The following MYO9A variants were observed in gnomAD, a reference collection of about 807,000 sequenced individuals.
The protein encoded by MYO9A is myosin IXA.
In MYO9A, 103 loss-of-function variants were observed where a neutral mutation model predicts 293.3. The observed-to-expected ratio is 0.35, with a 90% CI of 0.30 to 0.41. MYO9A has a LOEUF of 0.41. MYO9A is among the 10% of genes least tolerant of loss of function. The pLI is 1.00. For synonymous variants in MYO9A, 1,001 were observed against 1,035.7 expected (o/e 0.97, Z 0.64); for missense variants, 2,685 against 3,033.0 (o/e 0.89, Z 2.69).
intron 1 of MYO9A, among the ~76,000 whole-genome samples, chr15:72,064,574 C>A (rs867894433): frequency 6.6e-6 from 1 of 152,160 alleles, no homozygotes; most frequent in African/African-American, 2.4e-5. Flanking sequence ...GTAATTACAC[C>A]AGTGTATACC....
intron 39 of MYO9A, among the ~76,000 whole-genome samples, chr15:71,840,489 A>AAT (rs1156933924): frequency 1.3e-4 from 20 of 152,040 alleles, no homozygotes; most frequent in Non-Finnish European, 1.5e-5. Context: ...AGCCTAAGAA[A>AAT]ATATCCTCTT....
intron 11 of MYO9A, among the ~76,000 whole-genome samples, chr15:71,980,710 C>T (rs2076250371): frequency 1.3e-5 from 2 of 152,108 alleles, no homozygotes; most frequent in African/African-American, 2.4e-5. Flanking sequence ...TGGTGGTATG[C>T]ACCTGTAGTC....
intron 28 of MYO9A, among the ~76,000 whole-genome samples, chr15:71,880,893 G>A (rs2056853765): frequency 6.6e-6 from 1 of 152,132 alleles, no homozygotes; most frequent in Admixed American, 6.5e-5. Flanking sequence ...GAAAAGAAGA[G>A]AATATAAAAC....
intron 32 of MYO9A, among the ~76,000 whole-genome samples, chr15:71,866,822 G>A (rs758155274): frequency 1.2e-4 from 18 of 152,112 alleles, no homozygotes; most frequent in Admixed American, 2.0e-4. Context: ...ACTTTGGGAC[G>A]CCGAGGCGGG....
intron 11 of MYO9A, among the ~76,000 whole-genome samples, chr15:71,980,347 C>T (rs1045663617): frequency 2.0e-5 from 3 of 152,130 alleles, no homozygotes; most frequent in African/African-American, 2.4e-5. Context: ...CCCACCCCAG[C>T]GTATGTCCCT....
chr15:71,834,952 CATAAT>C (rs1020136598), intron 39 of MYO9A, among the ~76,000 whole-genome samples: 20 of 151,850 alleles, frequency 1.3e-4, no homozygotes, highest in African/African-American at 4.8e-4. Flanking sequence ...ACTACATACA[CATAAT>C]ATAATGATAC....
At chr15:72,038,177 C>A (rs1297035380) in intron 2 of MYO9A, among the ~76,000 whole-genome samples, 1 of 152,186 alleles carries the variant, frequency 6.6e-6, no homozygotes, top group Non-Finnish European at 1.5e-5. Flanking sequence ...CTCTCCTTGG[C>A]CTCCCAAAGT....
chr15:72,106,363 G>A (rs114562748), intron 1 of MYO9A, among the ~76,000 whole-genome samples: 123 of 152,130 alleles, frequency 8.1e-4, no homozygotes, highest in African/African-American at 2.7e-3. Context: ...ACAGTGGCAC[G>A]CACCTATAGT....
At chr15:72,053,466 A>C (rs1390669849) in intron 1 of MYO9A, among the ~76,000 whole-genome samples, 1 of 152,256 alleles carries the variant, frequency 6.6e-6, no homozygotes, top group Non-Finnish European at 1.5e-5. Context: ...ACACCACGGA[A>C]TACTATGCAG....
chr15:71,990,689 G>A (rs999218206), intron 11 of MYO9A, among the ~76,000 whole-genome samples: 2 of 151,616 alleles, frequency 1.3e-5, no homozygotes, highest in South Asian at 2.1e-4. Context: ...CCCGCGAGGC[G>A]GAGCTTGCAG....
chr15:71,851,311 C>T lies in MYO9A; in HGVS notation c.6523G>A (p.Asp2175Asn). Reference sequence around the variant, plus strand: ...TTGAGATGAGTTCGGGAGAGTTGATCAATCACAGAGTATACACCACGGATT... The same window carrying T: ...TTGAGATGAGTTCGGGAGAGTTGATTAATCACAGAGTATACACCACGGATT... The part of the protein sequence containing the change: ...ETIRGVYSVI[D>N]QLSRTHLNTL... Residue 2175 changes from aspartate to asparagine, a missense_variant, in exon 37 of 42, where the codon GAT becomes AAT. Transcript: ENST00000356056. The T allele has an allele frequency of 6.2e-7, 1 of 1,613,954 alleles. No individual in the cohort carries two copies. The highest frequency in any genetic ancestry group is 8.5e-7 in the Non-Finnish European group (1 of 1,179,930).
At chr15:72,098,873 T>A (rs2080155855) in intron 1 of MYO9A, among the ~76,000 whole-genome samples, 1 of 146,524 alleles carries the variant, frequency 6.8e-6, no homozygotes, top group Admixed American at 6.8e-5. Flanking sequence ...AGAAAAGAAA[T>A]GATAAAAACG....
intron 13 of MYO9A, among the ~76,000 whole-genome samples, chr15:71,962,977 T>C (rs74022492): frequency 3.1e-3 from 475 of 152,330 alleles, no homozygotes; most frequent in African/African-American, 0.011. Context: ...AAGAACATAC[T>C]TTGTGGTTTA....
intron 11 of MYO9A, among the ~76,000 whole-genome samples, chr15:71,990,527 G>A (rs999788914): frequency 1.8e-4 from 27 of 152,014 alleles, no homozygotes; most frequent in African/African-American, 5.8e-4. Context: ...AGGCTGAGGC[G>A]GGTGGATCAC....
At chr15:71,838,554 T>C (rs553579562) in intron 39 of MYO9A, among the ~76,000 whole-genome samples, 9 of 152,304 alleles carry the variant, frequency 5.9e-5, no homozygotes, top group South Asian at 4.1e-4. Flanking sequence ...GGCTTAAACT[T>C]TGCAGGCAAA....
intron 39 of MYO9A, among the ~76,000 whole-genome samples, chr15:71,842,480 C>T (rs1278454017): frequency 6.6e-6 from 1 of 152,090 alleles, no homozygotes; most frequent in African/African-American, 2.4e-5. Context: ...ATAACTTGCC[C>T]ATATCACAAC....
Position 71,827,865 on chromosome 15 carries a change from G to A in MYO9A, c.7183+19C>T. 1.2e-6 allele frequency: 2 copies of A among 1,602,198 alleles called. No individual in the cohort carries two copies. Among genetic ancestry groups the A allele is most frequent in the Non-Finnish European group, 1.7e-6 (2 of 1,176,052 alleles). On this transcript the variant is annotated intron_variant, in intron 41 of 41. Coordinates refer to ENST00000356056, the MANE Select transcript of MYO9A (RefSeq NM_006901.4). ...TTGCAAAACAAATCTGGAGTCTTTG[G>A]TCTACCATGTTCACTTACCTGATTT...
intron 1 of MYO9A, among the ~76,000 whole-genome samples, chr15:72,100,063 G>A (rs551469444): frequency 4.6e-5 from 7 of 151,878 alleles, no homozygotes; most frequent in South Asian, 4.2e-4. Flanking sequence ...AGCCTGGGCA[G>A]TATAGCAAGA....
At chr15:71,867,724 G>T (rs111240804) in intron 32 of MYO9A, among the ~76,000 whole-genome samples, 1 of 150,722 alleles carries the variant, frequency 6.6e-6, no homozygotes, top group Non-Finnish European at 1.5e-5. Context: ...TTATTACAGA[G>T]AAATGAAGCA....
Sources: gnomAD v4.1 joint callset for allele counts (sites outside exome capture counted in the v4.1 genomes callset) on GRCh38, gnomAD v4.1.1 for gene constraint, MANE v1.5 for transcripts, NCBI Gene and HGNC (gene_info 2026-07-23, HGNC 2026-07-21) for gene names.